ABHD2: variants seen among roughly 807,000 people sequenced by gnomAD.
ABHD2 encodes monoacylglycerol lipase ABHD2.
Under a neutral mutation model 48.1 loss-of-function variants are expected in ABHD2, and 20 were observed. That is an observed-to-expected ratio of 0.42 (90% confidence interval 0.29 to 0.60). The LOEUF (loss-of-function observed/expected upper bound fraction) is 0.60, where lower values mean the gene tolerates loss of function less well. Among genes scored for constraint, ABHD2 ranks in the 20% least tolerant of loss-of-function variants. ABHD2 has a pLI of 0.24. For missense variants in ABHD2, 405 were observed against 550.9 expected (o/e 0.74, Z 2.65); for synonymous variants, 209 against 214.2 (o/e 0.98, Z 0.21).
At chr15:89,126,899 G>A (rs1485404049) in intron 3 of ABHD2, among the ~76,000 whole-genome samples, 2 of 152,236 alleles carry the variant, frequency 1.3e-5, no homozygotes, top group Non-Finnish European at 2.9e-5. Flanking sequence ...ATTAGATGGT[G>A]TAATGTTTAC....
Position 89,188,915 on chromosome 15 carries a change from A to G in ABHD2, c.926+612A>G, listed in dbSNP as rs2051259063. 6.6e-6 allele frequency among the ~76,000 whole-genome samples: 1 copy of G among 152,014 alleles called. No homozygotes were observed. The highest frequency in any genetic ancestry group is 1.9e-4 in the East Asian group (1 of 5,186). On this transcript the variant is annotated intron_variant, in intron 8 of 10. Coordinates refer to ENST00000352732, the MANE Select transcript of ABHD2 (RefSeq NM_152924.5). This position sits in a 1 kb window ranked among gnomAD's most constrained non-coding sequence, Gnocchi z 4.1. ...AAAAAAAAAGAAGTAGAAAAACAGA[A>G]GATAGACCAAGAGGACTATGTGTTT...
In ABHD2 at chr15:89,097,778, G is replaced by A. The variant is rs1280994690; in HGVS notation, c.-107+9215G>A. On this transcript the variant is annotated intron_variant, in intron 1 of 10. Transcript: ENST00000352732. This position sits in a 1 kb window ranked among gnomAD's most constrained non-coding sequence, Gnocchi z 4.2. ...ATCTTTTATGTGTGTCCCAGCAAAT[G>A]TGTATGCATCTATATTCTTTTTCTT... Among the ~76,000 whole-genome samples the A allele has an allele frequency of 6.6e-6, 1 of 152,178 alleles. No homozygotes were observed. Among genetic ancestry groups the A allele is most frequent in the Non-Finnish European group, 1.5e-5 (1 of 68,024 alleles).
At chr15:89,144,370 T>C (rs2050458029) in intron 3 of ABHD2, among the ~76,000 whole-genome samples, 1 of 152,164 alleles carries the variant, frequency 6.6e-6, no homozygotes, top group African/African-American at 2.4e-5. Flanking sequence ...TGACCTCAAG[T>C]GATCTGCCTG....
intron 3 of ABHD2, among the ~76,000 whole-genome samples, chr15:89,139,953 C>A (rs1325274394): frequency 6.6e-6 from 1 of 152,208 alleles, no homozygotes; most frequent in East Asian, 1.9e-4. Flanking sequence ...TTGTCTGGAG[C>A]AGCCACGCAG....
Position 89,195,130 on chromosome 15 carries a change from G to T in ABHD2, c.1082-97G>T. The T allele has an allele frequency of 7.1e-7, 1 of 1,417,230 alleles. No homozygotes were observed. The highest frequency in any genetic ancestry group is 9.6e-7 in the Non-Finnish European group (1 of 1,043,922). 87.8% of individuals were successfully genotyped at this position (1,417,230 alleles called of 1,614,324 possible). On this transcript the variant is annotated intron_variant, in intron 10 of 10. Coordinates refer to ENST00000352732, the MANE Select transcript of ABHD2 (RefSeq NM_152924.5). The surrounding 1 kb of genome is among the most constrained non-coding windows in gnomAD (Gnocchi z 5.1). ...TGGATGCCCACTTAGGTGACCCTGC[G>T]GGGACAGCCAGGCTACCCTAGCCAG...
rs77163184 is a variant in ABHD2, at chr15:89,156,721, G to GAA, written c.538+1200_538+1201dup. 7.1e-3 allele frequency among the ~76,000 whole-genome samples: 1,021 copies of GAA among 144,592 alleles called. 14 individuals carry two copies. The highest frequency in any genetic ancestry group is 0.023 in the African/African-American group (895 of 39,430). The allele number at this position is 144,592 out of a possible 152,430, so 94.9% of individuals were successfully genotyped here. ...TGGGCAACAGAGCAAGACTCTGTCTGAAAAAAAAAAAAAATCCTGTTTTAG... is the reference window on the plus strand; with the variant it reads ...TGGGCAACAGAGCAAGACTCTGTCTGAAAAAAAAAAAAAAAATCCTGTTTTAG... On this transcript the variant is annotated intron_variant, in intron 5 of 10. Transcript: ENST00000352732.
the ABHD2 span, among the ~76,000 whole-genome samples, chr15:89,055,660 A>G: frequency 6.6e-6 from 1 of 151,916 alleles, no homozygotes; most frequent in East Asian, 1.9e-4. Context: ...AATATTATTG[A>G]TAATAGCAAA....
intron 3 of ABHD2, among the ~76,000 whole-genome samples, chr15:89,125,070 C>T (rs2050110815): frequency 1.4e-5 from 2 of 146,070 alleles, no homozygotes; most frequent in Admixed American, 1.4e-4. Context: ...GCCTTGGGGA[C>T]AAGAGTGAGA....
chr15:89,186,971 G>A lies in ABHD2; in HGVS notation c.816-1222G>A, dbSNP rs373378824. On this transcript the variant is annotated intron_variant, in intron 7 of 10. Coordinates refer to ENST00000352732, the MANE Select transcript of ABHD2 (RefSeq NM_152924.5). This position sits in a 1 kb window ranked among gnomAD's most constrained non-coding sequence, Gnocchi z 4.3. Reference sequence around the variant, plus strand: ...GAGCAGAGGGAGACTTATGTCCCCTGTGCTGGCTGGAAAATCAGCTGTTCC... The same window carrying A: ...GAGCAGAGGGAGACTTATGTCCCCTATGCTGGCTGGAAAATCAGCTGTTCC... 2.3e-4 allele frequency among the ~76,000 whole-genome samples: 35 copies of A among 152,326 alleles called. 1 individual carries two copies. Among genetic ancestry groups the A allele is most frequent in the East Asian group, 1.5e-3 (8 of 5,184 alleles).
chr15:89,061,398 A>G, the ABHD2 span, among the ~76,000 whole-genome samples: 2 of 152,200 alleles, frequency 1.3e-5, no homozygotes, highest in South Asian at 2.1e-4. Flanking sequence ...AGCCTAAGCA[A>G]CAAGAGCAAA....
chr15:89,069,755 C>T, the ABHD2 span, among the ~76,000 whole-genome samples: 1 of 129,184 alleles, frequency 7.7e-6, no homozygotes, highest in Admixed American at 9.5e-5. Context: ...TCTCAGCTTA[C>T]TGCAACCTCT....
chr15:89,151,631 G>A lies in ABHD2; in HGVS notation c.195-46G>A. ...TTGCTAAAAGATTTTTCAGAACGTT[G>A]CTCAAGGAATGTAGAGAAAATTGAC... On this transcript the variant is annotated intron_variant, in intron 3 of 10. Transcript: ENST00000352732. This position sits in a 1 kb window ranked among gnomAD's most constrained non-coding sequence, Gnocchi z 4.7. 6.4e-7 allele frequency: 1 copy of A among 1,560,852 alleles called. No individual in the cohort carries two copies. Among genetic ancestry groups the A allele is most frequent in the African/African-American group, 1.4e-5 (1 of 73,080 alleles).
In ABHD2 at chr15:89,171,799, G is replaced by T. The variant is rs1484360130; in HGVS notation, c.539-4013G>T. On this transcript the variant is annotated intron_variant, in intron 5 of 10. Transcript: ENST00000352732. ...GAGCTGGAGAGAGCCTCGTTCCTTA[G>T]AGCAGTGCGCCACAGCCACAGTGGT... Among the ~76,000 whole-genome samples, 3 of 152,166 alleles carry T rather than the reference G, an allele frequency of 2.0e-5. No homozygotes were observed. In the South Asian group the frequency reaches 6.2e-4, roughly 32 times the overall value.
chr15:89,081,050 A>C, the ABHD2 span, among the ~76,000 whole-genome samples: 1 of 149,580 alleles, frequency 6.7e-6, no homozygotes, highest in East Asian at 2.0e-4. Flanking sequence ...CCCTGGCTGG[A>C]GTACAGTGGC....
Position 89,116,603 on chromosome 15 carries a change from A to T in ABHD2, c.194+82A>T. On this transcript the variant is annotated intron_variant, in intron 3 of 10. Transcript: ENST00000352732. The surrounding 1 kb of genome is among the most constrained non-coding windows in gnomAD (Gnocchi z 4.6). Reference sequence around the variant, plus strand: ...GATGTTCAAAGAAGAAACTTCTCTCATCGTGTCCTTAAGGCATCAATGGGA... The same window carrying T: ...GATGTTCAAAGAAGAAACTTCTCTCTTCGTGTCCTTAAGGCATCAATGGGA... 6.9e-7 allele frequency: 1 copy of T among 1,453,594 alleles called. No individual in the cohort carries two copies. Among genetic ancestry groups the T allele is most frequent in the African/African-American group, 1.4e-5 (1 of 70,726 alleles). The allele number at this position is 1,453,594 out of a possible 1,614,324, so 90.0% of individuals were successfully genotyped here.
At chr15:89,109,431 G>A (rs7180861) in intron 1 of ABHD2, among the ~76,000 whole-genome samples, 4 of 152,264 alleles carry the variant, frequency 2.6e-5, no homozygotes, top group Non-Finnish European at 5.9e-5. Flanking sequence ...AGGGACACAG[G>A]AAGCCCAGCC....
chr15:89,153,910 T>C (rs976600571), intron 4 of ABHD2, among the ~76,000 whole-genome samples: 7 of 152,216 alleles, frequency 4.6e-5, no homozygotes, highest in Non-Finnish European at 1.0e-4. Flanking sequence ...AAACACAATT[T>C]TAATAATTGC....
At chr15:89,096,525 A>G (rs1364203602) in intron 1 of ABHD2, among the ~76,000 whole-genome samples, 1 of 152,244 alleles carries the variant, frequency 6.6e-6, no homozygotes, top group African/African-American at 2.4e-5. Context: ...CCAGTGCAGG[A>G]ATCGAAGCTC....
At chr15:89,141,631 A>G (rs1322787709) in intron 3 of ABHD2, among the ~76,000 whole-genome samples, 1 of 152,144 alleles carries the variant, frequency 6.6e-6, no homozygotes, top group Non-Finnish European at 1.5e-5. Flanking sequence ...TCAAAAAAAA[A>G]AGTTAAAGCA....
Sources: gnomAD v4.1 joint callset for allele counts (sites outside exome capture counted in the v4.1 genomes callset) on GRCh38, gnomAD v4.1.1 for gene constraint, Gnocchi (gnomAD v3.1) non-coding constraint, MANE v1.5 for transcripts, NCBI Gene and HGNC (gene_info 2026-07-23, HGNC 2026-07-21) for gene names.